The following CPPED1 variants were observed in gnomAD, a reference collection of about 807,000 sequenced individuals.
The protein encoded by CPPED1 is serine/threonine-protein phosphatase CPPED1.
CPPED1 carries 28 observed loss-of-function variants against 28.0 expected under a neutral mutation model. The observed-to-expected ratio is 1.00, with a 90% CI of 0.74 to 1.37. The LOEUF is 1.37. Ranked by LOEUF, CPPED1 falls within the 40% of genes most tolerant of loss-of-function variation. The pLI is 0.00. For missense variants in CPPED1, 504 were observed against 416.5 expected (o/e 1.21, Z -1.83); for synonymous variants, 198 against 180.2 (o/e 1.10, Z -0.79).
chr16:12,707,608 A>G (rs1328295546), intron 2 of CPPED1, among the ~76,000 whole-genome samples: 1 of 152,210 alleles, frequency 6.6e-6, no homozygotes, highest in Non-Finnish European at 1.5e-5. Flanking sequence ...GTATGGAAAA[A>G]TGTCCGAATC....
intron 2 of CPPED1, among the ~76,000 whole-genome samples, chr16:12,713,007 A>C (rs1026300660): frequency 6.6e-6 from 1 of 152,342 alleles, no homozygotes; most frequent in South Asian, 2.1e-4. Flanking sequence ...ATGTAAAACA[A>C]GTGACAAGGC....
At chr16:12,763,674 C>T (rs973549384) in intron 2 of CPPED1, among the ~76,000 whole-genome samples, 3 of 152,126 alleles carry the variant, frequency 2.0e-5, no homozygotes, top group African/African-American at 7.2e-5. Context: ...TTGCCCAAAG[C>T]TATTTGGCCA....
intron 3 of CPPED1, among the ~76,000 whole-genome samples, chr16:12,703,129 C>T (rs2080029267): frequency 1.3e-5 from 2 of 152,270 alleles, no homozygotes; most frequent in Admixed American, 6.5e-5. Flanking sequence ...GTGCTCATGC[C>T]GCCTTGACGC....
intron 2 of CPPED1, among the ~76,000 whole-genome samples, chr16:12,774,135 C>T (rs975286431): frequency 3.9e-5 from 6 of 152,050 alleles, no homozygotes; most frequent in South Asian, 2.1e-4. Context: ...AAAGTGAGTC[C>T]GCCAGGGATG....
chr16:12,790,916 C>G (rs1303922856), intron 1 of CPPED1, among the ~76,000 whole-genome samples: 3 of 97,952 alleles, frequency 3.1e-5, no homozygotes, highest in Non-Finnish European at 5.4e-5. Flanking sequence ...AAGACTCTAT[C>G]TCAAAAAAAA....
At chr16:12,676,080 A>G (rs891720524) in intron 3 of CPPED1, among the ~76,000 whole-genome samples, 11 of 152,174 alleles carry the variant, frequency 7.2e-5, no homozygotes, top group African/African-American at 2.2e-4. Flanking sequence ...TTCGTCGTCA[A>G]TTGGGGAATT....
At chr16:12,692,839 G>C (rs1444737505) in intron 3 of CPPED1, among the ~76,000 whole-genome samples, 3 of 152,184 alleles carry the variant, frequency 2.0e-5, no homozygotes, top group Admixed American at 2.0e-4. Context: ...GAAAGAGCAC[G>C]CAGCATAGGG....
intron 3 of CPPED1, among the ~76,000 whole-genome samples, chr16:12,685,662 T>A (rs1355851028): frequency 6.6e-6 from 1 of 152,108 alleles, no homozygotes; most frequent in Admixed American, 6.6e-5. Context: ...TGCCTCTCAC[T>A]ATCCACACCC....
At chr16:12,762,270 G>A (rs903998161) in intron 2 of CPPED1, among the ~76,000 whole-genome samples, 15 of 152,124 alleles carry the variant, frequency 9.9e-5, no homozygotes, top group Non-Finnish European at 1.9e-4. Flanking sequence ...GTAACGCCAC[G>A]GAGATGGTGA....
At chr16:12,685,266 A>G (rs2079926938) in intron 3 of CPPED1, among the ~76,000 whole-genome samples, 1 of 152,198 alleles carries the variant, frequency 6.6e-6, no homozygotes, top group African/African-American at 2.4e-5. Context: ...CCTGGCCAAC[A>G]TGGTGAAACC....
intron 1 of CPPED1, among the ~76,000 whole-genome samples, chr16:12,781,640 A>G (rs2080532547): frequency 6.6e-6 from 1 of 152,182 alleles, no homozygotes; most frequent in South Asian, 2.1e-4. Flanking sequence ...GGGCTTCTGC[A>G]GCCACACCAC....
At chr16:12,712,576 T>C (rs1357419686) in intron 2 of CPPED1, among the ~76,000 whole-genome samples, 2 of 152,132 alleles carry the variant, frequency 1.3e-5, no homozygotes, top group Admixed American at 1.3e-4. Flanking sequence ...ATAATATGTA[T>C]AGAGTAATAA....
chr16:12,794,060 C>G (rs1369451269), intron 1 of CPPED1, among the ~76,000 whole-genome samples: 1 of 152,094 alleles, frequency 6.6e-6, no homozygotes, highest in Non-Finnish European at 1.5e-5. Context: ...AAATCACACA[C>G]CAAAGAGTAG....
intron 2 of CPPED1, among the ~76,000 whole-genome samples, chr16:12,741,165 T>C (rs1033379069): frequency 1.3e-5 from 2 of 152,220 alleles, no homozygotes; most frequent in Non-Finnish European, 2.9e-5. Context: ...TAAAATATAG[T>C]GGGCAGGACG....
chr16:12,665,231 G>T, intron 3 of CPPED1, 116 bp from the exon 4 acceptor site: 1 of 861,122 alleles, frequency 1.2e-6, no homozygotes, highest in Non-Finnish European at 1.7e-6. Flanking sequence ...ATACCATCAT[G>T]TAGAATTATC....
At chr16:12,732,230 T>C (rs1223463531) in intron 2 of CPPED1, among the ~76,000 whole-genome samples, 1 of 80,072 alleles carries the variant, frequency 1.2e-5, no homozygotes, top group African/African-American at 4.9e-5. Context: ...TGAAAAGGAA[T>C]AATGAAAAAA....
rs1335250401 is a variant in CPPED1, at chr16:12,682,201, AT to A, written c.716-17087del. ...AGGTTCCCGCTACCATGCCCAGCTA[AT>A]TTTTGTGTCTTTAGTAGAGACAGGA... On this transcript the variant is annotated intron_variant, in intron 3 of 3. Transcript: ENST00000381774. The surrounding 1 kb of genome is among the most constrained non-coding windows in gnomAD (Gnocchi z 6.1). Among the ~76,000 whole-genome samples, 2 of 151,806 alleles carry A rather than the reference AT, an allele frequency of 1.3e-5. No individual in the cohort carries two copies. The highest frequency in any genetic ancestry group is 4.8e-5 in the African/African-American group (2 of 41,298).
At chr16:12,746,305 G>A (rs1394238234) in intron 2 of CPPED1, among the ~76,000 whole-genome samples, 1 of 148,348 alleles carries the variant, frequency 6.7e-6, no homozygotes. Context: ...AGCCTTGGAG[G>A]CAGAGTTACA....
chr16:12,774,726 T>A (rs887501697), intron 2 of CPPED1, among the ~76,000 whole-genome samples: 3 of 152,234 alleles, frequency 2.0e-5, no homozygotes, highest in Admixed American at 6.5e-5. Flanking sequence ...CATGCCCTCA[T>A]GAATGGATGA....
Sources: gnomAD v4.1 joint callset for allele counts (sites outside exome capture counted in the v4.1 genomes callset) on GRCh38, gnomAD v4.1.1 for gene constraint, Gnocchi (gnomAD v3.1) non-coding constraint, MANE v1.5 for transcripts, NCBI Gene and HGNC (gene_info 2026-07-23, HGNC 2026-07-21) for gene names.